The following CCND1 variants were observed in gnomAD, a reference collection of about 807,000 sequenced individuals.
The protein encoded by CCND1 is cyclin D1, also known as G1/S-specific cyclin-D1.
In CCND1, 9 loss-of-function variants were observed where a neutral mutation model predicts 26.1. That is an observed-to-expected ratio of 0.35 (90% CI 0.21 to 0.60). The LOEUF (loss-of-function observed/expected upper bound fraction) is 0.60. Ranked by LOEUF, CCND1 falls within the 20% of genes least tolerant of loss-of-function variation. The probability of loss-of-function intolerance (pLI) is 0.79; values close to 1 mark genes in which losing one functional copy is unlikely to be tolerated. For synonymous variants in CCND1, 194 were observed against 166.1 expected, an observed-to-expected ratio of 1.17 and a Z score of -1.29; for missense variants, 335 against 392.9, an observed-to-expected ratio of 0.85 and a Z score of 1.25.
chr11:69,654,339 G>A lies in CCND1; in HGVS notation c.*3057G>A. The A allele has an allele frequency of 1.4e-6, 1 of 702,588 alleles. No homozygotes were observed. Among genetic ancestry groups the A allele is most frequent in the Non-Finnish European group, 2.6e-6 (1 of 385,002 alleles). 43.5% of individuals were successfully genotyped at this position (702,588 alleles called of 1,614,324 possible). On this transcript the variant is annotated 3_prime_UTR_variant, in exon 5 of 5. Coordinates refer to ENST00000227507, the MANE Select transcript of CCND1 (RefSeq NM_053056.3). The surrounding 1 kb of genome is among the most constrained non-coding windows in gnomAD (Gnocchi z 6.3). ...CTGTGACGCGCAAGTCTGAGGGTCT[G>A]GGCGGCGGGCGGCTGGGTCTGTGCA...
At chr11:69,645,425 G>T (rs564768193) in intron 3 of CCND1, among the ~76,000 whole-genome samples, 1 of 152,170 alleles carries the variant, frequency 6.6e-6, no homozygotes, top group African/African-American at 2.4e-5. Context: ...GCAGATTCTC[G>T]TCCTTCCCAC....
chr11:69,642,975 G>A (rs2120087321), intron 1 of CCND1, 56 bp from the exon 2 acceptor site: 4 of 1,361,130 alleles, frequency 2.9e-6, no homozygotes, highest in African/African-American at 1.5e-5. Context: ...GTGCGGGGGC[G>A]TGCGGGGGGG....
At chr11:69,649,654 G>A (rs538700295) in intron 4 of CCND1, among the ~76,000 whole-genome samples, 4 of 152,352 alleles carry the variant, frequency 2.6e-5, no homozygotes, top group African/African-American at 9.6e-5. Flanking sequence ...GCTTCTGGCT[G>A]TGGGAGAACA....
chr11:69,653,240 T>G lies in CCND1; in HGVS notation c.*1958T>G. 2.9e-6 allele frequency: 2 copies of G among 700,974 alleles called. No individual in the cohort carries two copies. Among genetic ancestry groups the G allele is most frequent in the Non-Finnish European group, 5.2e-6 (2 of 384,380 alleles). 43.4% of individuals were successfully genotyped at this position (700,974 alleles called of 1,614,324 possible). ...ACAGGCCGCAGCTCCATTTTCTTAT[T>G]GCGCTGCTACCGTTGACTTCCAGGC... On this transcript the variant is annotated 3_prime_UTR_variant, in exon 5 of 5. Coordinates refer to ENST00000227507, the MANE Select transcript of CCND1 (RefSeq NM_053056.3).
Position 69,643,207 on chromosome 11 carries a change from C to T in CCND1, c.375C>T (p.Cys125=), listed in dbSNP as rs1018607807. 7.5e-6 allele frequency: 12 copies of T among 1,601,804 alleles called. No individual in the cohort carries two copies. The highest frequency in any genetic ancestry group is 1.0e-5 in the Non-Finnish European group (12 of 1,174,704). The change falls in exon 2 of 5, where the codon TGC becomes TGT. Residue 125 remains cysteine, a synonymous_variant. Transcript: ENST00000227507. ...ETIPLTAEKL[C]IYTDNSIRPE... ...TCCCCCTGACGGCCGAGAAGCTGTG[C>T]ATCTACACCGACAACTCCATCCGGC...
In CCND1 at chr11:69,646,296, C is replaced by T. The variant is rs1855778853; in HGVS notation, c.575-1698C>T. 2.0e-5 allele frequency among the ~76,000 whole-genome samples: 3 copies of T among 152,208 alleles called. No individual in the cohort carries two copies. The South Asian group carries it at 6.2e-4, about 31-fold the overall frequency. On this transcript the variant is annotated intron_variant, in intron 3 of 4. Transcript: ENST00000227507. ...TTAAAGGGGAAAAGAGGTGGCTCGG[C>T]TCGTTAAGGATTTCTTTTTCTAAGT...
At chr11:69,642,465 C>T (rs1377985583) in intron 1 of CCND1, among the ~76,000 whole-genome samples, 1 of 152,060 alleles carries the variant, frequency 6.6e-6, no homozygotes, top group African/African-American at 2.4e-5. Flanking sequence ...TCCTGGGGCT[C>T]CCCCCGGAGC....
In CCND1 at chr11:69,647,822, C is replaced by T. The variant is rs1590915202; in HGVS notation, c.575-172C>T. 5.9e-6 allele frequency: 4 copies of T among 683,700 alleles called. No individual in the cohort carries two copies. The East Asian group carries it at 1.1e-4, about 19-fold the overall frequency. 42.4% of individuals were successfully genotyped at this position (683,700 alleles called of 1,614,324 possible). A position where few individuals can be genotyped will look rare whatever the true frequency, so the allele number is the denominator to read the frequency against. On this transcript the variant is annotated intron_variant, in intron 3 of 4. Transcript: ENST00000227507. ...GGGCCAGGCTCTTGCTCTCCGAGTG[C>T]CCAGGGATGGCTGGAGGCTGAGGAG...
chr11:69,647,793 C>G (rs942172218), intron 3 of CCND1, among the ~76,000 whole-genome samples: 1 of 152,158 alleles, frequency 6.6e-6, no homozygotes, highest in African/African-American at 2.4e-5. Context: ...CCAGGAGGGT[C>G]CGTGGGCCAG....
At chr11:69,646,540 C>T (rs751179224) in intron 3 of CCND1, among the ~76,000 whole-genome samples, 9 of 152,192 alleles carry the variant, frequency 5.9e-5, no homozygotes, top group African/African-American at 9.6e-5. Context: ...CCCTTGTTCC[C>T]GGGCGCTCAG....
At chr11:69,648,250 T>C in intron 4 of CCND1, 108 bp downstream of exon 4, 2 of 1,371,548 alleles carry the variant, frequency 1.5e-6, no homozygotes, top group Non-Finnish European at 2.0e-6. Flanking sequence ...GGTGACAAGG[T>C]TGGGGCTGGG....
chr11:69,641,232 G>A lies in CCND1; in HGVS notation c.-82G>A. 1.5e-6 allele frequency: 2 copies of A among 1,346,350 alleles called. No homozygotes were observed. The highest frequency in any genetic ancestry group is 1.2e-5 in the South Asian group (1 of 84,846). The allele number at this position is 1,346,350 out of a possible 1,614,324, so 83.4% of individuals were successfully genotyped here. On this transcript the variant is annotated 5_prime_UTR_variant, in exon 1 of 5. Coordinates refer to ENST00000227507, the MANE Select transcript of CCND1 (RefSeq NM_053056.3). ...GAGGGGCAGAAGAGCGCGAGGGAGCGCGGGGCAGCAGAAGCGAGAGCCGAG... is the reference window on the plus strand; with the variant it reads ...GAGGGGCAGAAGAGCGCGAGGGAGCACGGGGCAGCAGAAGCGAGAGCCGAG...
chr11:69,644,626 G>A (rs1590913968), intron 3 of CCND1, among the ~76,000 whole-genome samples: 1 of 152,206 alleles, frequency 6.6e-6, no homozygotes, highest in East Asian at 1.9e-4. Context: ...GTGGGCAGCA[G>A]AAGCACCCAG....
At position 69,643,374 on chromosome 11, in the gene CCND1, C is replaced by T. The variant is rs1855735655; in HGVS notation, c.414+128C>T. 9 of 698,046 alleles carry T rather than the reference C, an allele frequency of 1.3e-5. No homozygotes were observed. In the South Asian group the frequency reaches 2.1e-4, roughly 16 times the overall value. 43.2% of individuals were successfully genotyped at this position (698,046 alleles called of 1,614,324 possible). On this transcript the variant is annotated intron_variant, in intron 2 of 4. Transcript: ENST00000227507. ...TCTGCTCCTCCGAGGGAGGGCGGCC[C>T]CGCCGCCGGGCGTCCCTGTCCGGGG...
In CCND1 at chr11:69,653,940, C is replaced by T. The variant is rs1045330577; in HGVS notation, c.*2658C>T. The stretch of plus-strand genomic sequence containing the variant: ...TTTGTTATTGTTTTGTTAATTACAC[C>T]ATAATGCTAATTTAAAGAGACTCCA... On this transcript the variant is annotated 3_prime_UTR_variant, in exon 5 of 5. Coordinates refer to ENST00000227507, the MANE Select transcript of CCND1 (RefSeq NM_053056.3). 2 of 558,342 alleles carry T rather than the reference C, an allele frequency of 3.6e-6. No individual in the cohort carries two copies. The highest frequency in any genetic ancestry group is 3.8e-5 in the African/African-American group (2 of 53,304). 34.6% of individuals were successfully genotyped at this position (558,342 alleles called of 1,614,324 possible). A position where few individuals can be genotyped will look rare whatever the true frequency, so the allele number is the denominator to read the frequency against.
chr11:69,646,669 C>T (rs768212849), intron 3 of CCND1, among the ~76,000 whole-genome samples: 21 of 152,224 alleles, frequency 1.4e-4, no homozygotes, highest in Non-Finnish European at 2.8e-4. Flanking sequence ...TGACAAAAGG[C>T]TGCCCCCAGG....
chr11:69,643,613 C>G (rs1190258680), intron 2 of CCND1: 1 of 487,208 alleles, frequency 2.1e-6, no homozygotes, highest in Non-Finnish European at 3.6e-6. Context: ...ACGCGGCGGG[C>G]GCCTTTTCTG....
Position 69,651,398 on chromosome 11 carries a change from A to T in CCND1, c.*116A>T. The T allele has an allele frequency of 1.1e-6, 1 of 887,682 alleles. No homozygotes were observed. The highest frequency in any genetic ancestry group is 2.5e-5 in the South Asian group (1 of 39,532). The allele number at this position is 887,682 out of a possible 1,614,324, so 55.0% of individuals were successfully genotyped here. A position where few individuals can be genotyped will look rare whatever the true frequency, so the allele number is the denominator to read the frequency against. On this transcript the variant is annotated 3_prime_UTR_variant, in exon 5 of 5. Coordinates refer to ENST00000227507, the MANE Select transcript of CCND1 (RefSeq NM_053056.3). ...TTTTGATACCAGAAGGGAAAGCTTC[A>T]TTCTCCTTGTTGTTGGTTGTTTTTT...
chr11:69,641,693 G>T (rs1285893831), intron 1 of CCND1, among the ~76,000 whole-genome samples, 182 bp downstream of exon 1: 2 of 152,296 alleles, frequency 1.3e-5, no homozygotes, highest in Admixed American at 1.3e-4. Flanking sequence ...AGGAAGGGGT[G>T]GGGGTGGGGG....
Sources: allele counts gnomAD v4.1 joint callset (sites outside exome capture counted in the v4.1 genomes callset), GRCh38; gene constraint gnomAD v4.1.1; non-coding constraint Gnocchi (gnomAD v3.1); transcripts MANE v1.5; gene names NCBI Gene and HGNC (gene_info 2026-07-23, HGNC 2026-07-21).